Variants in ZBED6 observed in about 807,000 individuals in gnomAD.
ZBED6 encodes zinc finger BED-type containing 6, also known as zinc finger BED domain-containing protein 6.
In ZBED6, 40 loss-of-function variants were observed where a neutral mutation model predicts 58.4. That is an observed-to-expected ratio of 0.68 (90% CI 0.53 to 0.89). ZBED6 has a LOEUF of 0.89. Among genes scored for constraint, ZBED6 ranks in the 40% least tolerant of loss-of-function variants. The probability of loss-of-function intolerance (pLI) is 0.00; values close to 1 mark genes in which losing one functional copy is unlikely to be tolerated. For missense variants in ZBED6, 1,057 were observed against 1,003.9 expected, an observed-to-expected ratio of 1.05 and a Z score of -0.71; for synonymous variants, 439 against 350.6, an observed-to-expected ratio of 1.25 and a Z score of -2.82.
At chr1:203,808,650 C>T (rs1023140610) in intron 1 of ZBED6, among the ~76,000 whole-genome samples, 1 of 151,988 alleles carries the variant, frequency 6.6e-6, no homozygotes, top group Non-Finnish European at 1.5e-5. Context: ...GGTTTGGATT[C>T]GTGGAGATGT....
intron 3 of ZBED6, among the ~76,000 whole-genome samples, chr1:203,825,736 T>C (rs565010995): frequency 6.6e-6 from 1 of 152,208 alleles, no homozygotes; most frequent in African/African-American, 2.4e-5. Flanking sequence ...GTGGAGGATA[T>C]TACTAAGGAA....
At chr1:203,807,914 T>A (rs1449332679) in intron 1 of ZBED6, among the ~76,000 whole-genome samples, 1 of 151,852 alleles carries the variant, frequency 6.6e-6, no homozygotes, top group Non-Finnish European at 1.5e-5. Context: ...GCTAATTTTT[T>A]AATTTAGTGT....
At chr1:203,829,192 G>T in intron 4 of ZBED6, 1 of 528,072 alleles carries the variant, frequency 1.9e-6, no homozygotes, top group East Asian at 3.3e-5. Context: ...TTGTGAACAG[G>T]TACTATGCTT....
chr1:203,821,251 T>C (rs1253600255), intron 3 of ZBED6, among the ~76,000 whole-genome samples: 1 of 152,212 alleles, frequency 6.6e-6, no homozygotes, highest in Non-Finnish European at 1.5e-5. Context: ...GTTCACCTCC[T>C]GCCATAATTA....
At chr1:203,821,924 A>AT (rs34081927) in intron 3 of ZBED6, among the ~76,000 whole-genome samples, 7 of 151,812 alleles carry the variant, frequency 4.6e-5, no homozygotes, top group Non-Finnish European at 8.8e-5. Flanking sequence ...CGCCCGGCTA[A>AT]TTTTTTGTAC....
rs1434875766 is a variant in ZBED6, at chr1:203,852,220, A to G, written c.*4953A>G. 12 of 1,613,466 alleles carry G rather than the reference A, an allele frequency of 7.4e-6. No individual in the cohort carries two copies. Among genetic ancestry groups the G allele is most frequent in the African/African-American group, 6.7e-5 (5 of 74,792 alleles). ...TGGCCCTTCCTCATCCCAAATGAGC[A>G]TGAAAACTCGCCGACTCAGCTCTGC... On this transcript the variant is annotated 3_prime_UTR_variant, in exon 17 of 17. Transcript: ENST00000550078.
At chr1:203,825,012 G>A (rs1289215700) in intron 3 of ZBED6, among the ~76,000 whole-genome samples, 1 of 150,234 alleles carries the variant, frequency 6.7e-6, no homozygotes, top group Non-Finnish European at 1.5e-5. Flanking sequence ...TGGAGGTGGA[G>A]GTTTCAGTGA....
At chr1:203,841,157 A>AT (rs76329142) in intron 11 of ZBED6, among the ~76,000 whole-genome samples, 22,931 of 110,198 alleles carry the variant, frequency 0.21, 1,821 homozygotes, top group African/African-American at 0.23. Flanking sequence ...TTTTTTTTTT[A>AT]TTTTTTTTTT....
At chr1:203,834,174 A>C (rs1683422666) in intron 9 of ZBED6, 1 of 702,396 alleles carries the variant, frequency 1.4e-6, no homozygotes. Context: ...TGATTGGTTA[A>C]TATAATGTGT....
chr1:203,824,660 A>G (rs1679904274), intron 3 of ZBED6, among the ~76,000 whole-genome samples: 3 of 152,130 alleles, frequency 2.0e-5, no homozygotes, highest in Admixed American at 6.5e-5. Context: ...TGTCCTTTTC[A>G]TGATGTATTT....
In ZBED6 at chr1:203,802,292, G is replaced by A. The variant is rs138419531; in HGVS notation, c.*1830G>A. 6.9e-3 allele frequency: 1,054 copies of A among 152,634 alleles called. 6 individuals are homozygous for A. Among genetic ancestry groups the A allele is most frequent in the Middle Eastern group, 0.02 (6 of 294 alleles). The allele number at this position is 152,634 out of a possible 1,614,324, so 9.5% of individuals were successfully genotyped here. On this transcript the variant is annotated 3_prime_UTR_variant, in exon 1 of 17. Coordinates refer to ENST00000550078, the Ensembl canonical transcript of ZBED6. ...TATTTTGTGGGCTGGGCAAAATTTA[G>A]TGTAACAATAACTTCATGATACTTT... is the stretch of plus-strand genomic sequence containing the variant.
At chr1:203,810,024 T>C (rs1673814138) in intron 1 of ZBED6, among the ~76,000 whole-genome samples, 2 of 152,204 alleles carry the variant, frequency 1.3e-5, no homozygotes, top group Non-Finnish European at 2.9e-5. Flanking sequence ...TTTTTTCCTT[T>C]TAAACTTAAG....
intron 3 of ZBED6, among the ~76,000 whole-genome samples, chr1:203,821,119 C>T (rs1174533206): frequency 6.6e-6 from 1 of 152,014 alleles, no homozygotes; most frequent in Non-Finnish European, 1.5e-5. Context: ...GGGGCGGTTT[C>T]CCCCACGCTA....
intron 2 of ZBED6, among the ~76,000 whole-genome samples, chr1:203,817,855 C>T (rs1488724908): frequency 6.6e-6 from 1 of 151,966 alleles, no homozygotes; most frequent in Non-Finnish European, 1.5e-5. Context: ...CAGGTTCAAG[C>T]CATTCTCCTG....
chr1:203,816,451 C>T (rs1171517655), intron 1 of ZBED6, among the ~76,000 whole-genome samples: 3 of 152,020 alleles, frequency 2.0e-5, no homozygotes, highest in Non-Finnish European at 4.4e-5. Flanking sequence ...TAGCAAGATC[C>T]TGTCTTTACA....
At chr1:203,816,934 T>G in exon 2 of ZBED6, 1 of 581,734 alleles carries the variant, frequency 1.7e-6, no homozygotes, top group Non-Finnish European at 3.0e-6. Context: ...AGGATTACAG[T>G]TTAAAGACAA....
chr1:203,803,658 T>C (rs914186188), intron 1 of ZBED6, among the ~76,000 whole-genome samples: 2 of 152,156 alleles, frequency 1.3e-5, no homozygotes, highest in African/African-American at 2.4e-5. Context: ...GAGGCTGGAG[T>C]GCAGTGGCAT....
chr1:203,802,468 A>G (rs1670817865), exon 1 of ZBED6: 1 of 152,478 alleles, frequency 6.6e-6, no homozygotes, highest in African/African-American at 2.4e-5. Flanking sequence ...ATATATCTGT[A>G]TGTATATTAT....
chr1:203,799,785 C>A, exon 1 of ZBED6: 2 of 1,094,300 alleles, frequency 1.8e-6, no homozygotes, highest in South Asian at 1.3e-5. Flanking sequence ...AGATACCCTA[C>A]TAAGTGCCAT....
Sources: allele counts gnomAD v4.1 joint callset (sites outside exome capture counted in the v4.1 genomes callset), GRCh38; gene constraint gnomAD v4.1.1; transcripts MANE v1.5; gene names NCBI Gene and HGNC (gene_info 2026-07-23, HGNC 2026-07-21).